Variants in CCDC102B observed in about 807,000 individuals in gnomAD.
CCDC102B encodes the protein coiled-coil domain containing 102B.
CCDC102B carries 75 observed loss-of-function variants against 57.4 expected under a neutral mutation model. The ratio of observed to expected loss-of-function variants is 1.31; its 90% CI spans 1.08 to 1.58. CCDC102B has a LOEUF of 1.58. Among genes scored for constraint, CCDC102B ranks in the 40% most tolerant of loss-of-function variants. The pLI, the probability that CCDC102B is intolerant of heterozygous loss-of-function variation, is 0.00. For synonymous variants in CCDC102B, 206 were observed against 201.9 expected, an observed-to-expected ratio of 1.02 and a Z score of -0.17; for missense variants, 636 against 582.6, an observed-to-expected ratio of 1.09 and a Z score of -0.94.
intron 2 of CCDC102B, among the ~76,000 whole-genome samples, chr18:68,748,324 T>A (rs549134668): frequency 1.5e-4 from 23 of 151,688 alleles, no homozygotes; most frequent in African/African-American, 5.6e-4. Context: ...CTGCCTGAAC[T>A]AGAGTTCCAG....
rs2052390328 is a variant in CCDC102B, at chr18:69,040,024, A to G, written c.1435-14006A>G. On this transcript the variant is annotated intron_variant, in intron 7 of 7. Transcript: ENST00000360242. The stretch of plus-strand genomic sequence containing the variant: ...TGCTTAGACTAAATTTTCTTTATTT[A>G]CTCTATGAGATAAATCCTAGATCTT... 2.6e-5 allele frequency among the ~76,000 whole-genome samples: 4 copies of G among 151,976 alleles called. No homozygotes were observed. The South Asian group carries it at 8.3e-4, about 32-fold the overall frequency.
intron 1 of CCDC102B, among the ~76,000 whole-genome samples, chr18:68,812,142 T>A (rs1599498496): frequency 1.3e-5 from 2 of 152,238 alleles, no homozygotes; most frequent in East Asian, 3.9e-4. Flanking sequence ...AAGCTATATA[T>A]CATGGTTGGG....
intron 4 of CCDC102B, among the ~76,000 whole-genome samples, chr18:68,858,657 C>T (rs529041524): frequency 6.7e-4 from 102 of 152,090 alleles, no homozygotes; most frequent in African/African-American, 1.9e-3. Flanking sequence ...CTTTGAGGTA[C>T]GCCTCAGTTT....
In CCDC102B at chr18:68,837,369, G is replaced by T; in HGVS notation, c.606G>T (p.Lys202Asn). ...QFSTKEDTNN[K>N]EQGVVIDSLK... ...CTACAAAGGAGGACACAAATAATAA[G>T]GTAAGAAAAAAATCCAGAGATGATG... The change falls in exon 2 of 8, where the codon AAG becomes AAT. Residue 202 changes from lysine to asparagine, a missense_variant and splice_region_variant. Physicochemically the swap from Lys to Asn is moderately conservative, Grantham distance 94. Coordinates refer to ENST00000360242, the MANE Select transcript of CCDC102B (RefSeq NM_024781.3). 1 of 1,596,174 alleles carries T rather than the reference G, an allele frequency of 6.3e-7. No individual in the cohort carries two copies. The highest frequency in any genetic ancestry group is 1.4e-5 in the African/African-American group (1 of 73,848).
intron 5 of CCDC102B, among the ~76,000 whole-genome samples, chr18:68,877,673 A>G (rs530610051): frequency 6.6e-6 from 1 of 152,334 alleles, no homozygotes; most frequent in East Asian, 1.9e-4. Flanking sequence ...TCTGTTTTAC[A>G]TGGGAGGTCA....
chr18:68,951,268 T>G (rs561709500), intron 6 of CCDC102B, among the ~76,000 whole-genome samples: 9 of 152,262 alleles, frequency 5.9e-5, no homozygotes, highest in African/African-American at 2.2e-4. Flanking sequence ...TGGGAAGCAG[T>G]TGACAGAAAA....
At chr18:68,791,718 C>T (rs963537846) in intron 2 of CCDC102B, among the ~76,000 whole-genome samples, 1 of 151,460 alleles carries the variant, frequency 6.6e-6, no homozygotes, top group Non-Finnish European at 1.5e-5. Flanking sequence ...AATTTCCTGA[C>T]TATATATATA....
In CCDC102B at chr18:68,837,040, C is replaced by CGGT; in HGVS notation, c.284_286dup (p.Trp95dup). The CGGT allele has an allele frequency of 6.2e-7, 1 of 1,614,092 alleles. No individual in the cohort carries two copies. Among genetic ancestry groups the CGGT allele is most frequent in the Non-Finnish European group, 8.5e-7 (1 of 1,180,018 alleles). Reference sequence around the variant, plus strand: ...AGCTGCTCAGATGGAAAAGACCATGCGGTGGTGGTCGGACTGCACTGCCAA... The same window carrying CGGT: ...AGCTGCTCAGATGGAAAAGACCATGCGGTGGTGGTGGTCGGACTGCACTGCCAA... On this transcript the variant is annotated inframe_insertion, in exon 2 of 8. Transcript: ENST00000360242.
intron 2 of CCDC102B, among the ~76,000 whole-genome samples, chr18:68,744,089 T>C (rs2033519059): frequency 1.3e-5 from 2 of 152,228 alleles, no homozygotes; most frequent in African/African-American, 4.8e-5. Flanking sequence ...ATTTTCTATA[T>C]TGTTGGAATT....
intron 7 of CCDC102B, among the ~76,000 whole-genome samples, chr18:69,013,171 G>A (rs1015560624): frequency 3.9e-5 from 6 of 151,938 alleles, no homozygotes; most frequent in Non-Finnish European, 1.5e-5. Flanking sequence ...TGATCTATTC[G>A]CACAATGGAA....
At chr18:68,987,282 C>G (rs2050748672) in intron 6 of CCDC102B, among the ~76,000 whole-genome samples, 1 of 152,148 alleles carries the variant, frequency 6.6e-6, no homozygotes, top group Non-Finnish European at 1.5e-5. Context: ...CTACAACCAT[C>G]TGATCTTCGA....
At chr18:68,988,205 T>C (rs768440195) in intron 6 of CCDC102B, among the ~76,000 whole-genome samples, 5 of 151,638 alleles carry the variant, frequency 3.3e-5, no homozygotes, top group Non-Finnish European at 7.4e-5. Flanking sequence ...TGGAATACTA[T>C]GCAGCCATAA....
chr18:68,845,792 T>C lies in CCDC102B; in HGVS notation c.828-521T>C, dbSNP rs149810429. Among the ~76,000 whole-genome samples, 38 of 151,870 alleles carry C rather than the reference T, an allele frequency of 2.5e-4. 1 individual carries two copies. The East Asian group carries it at 6.7e-3, about 27-fold the overall frequency. On this transcript the variant is annotated intron_variant, in intron 3 of 7. Coordinates refer to ENST00000360242, the MANE Select transcript of CCDC102B (RefSeq NM_024781.3). ...TCCTTTAGAATAATTTAAATAAGGA[T>C]CCCAGTGAAATTTCTTTATTACAAT...
At chr18:68,785,051 C>T (rs1321993865) in intron 2 of CCDC102B, among the ~76,000 whole-genome samples, 1 of 143,394 alleles carries the variant, frequency 7.0e-6, no homozygotes, top group Non-Finnish European at 1.5e-5. Flanking sequence ...TTGTTCAATT[C>T]CCACCTATGA....
At chr18:68,769,793 T>C (rs974003317) in intron 2 of CCDC102B, among the ~76,000 whole-genome samples, 10 of 152,182 alleles carry the variant, frequency 6.6e-5, no homozygotes, top group Admixed American at 3.9e-4. Context: ...AAACTGAGGC[T>C]GTAGAGATAG....
intron 1 of CCDC102B, among the ~76,000 whole-genome samples, chr18:68,816,280 G>A (rs1480644380): frequency 6.6e-6 from 1 of 152,120 alleles, no homozygotes. Context: ...TCTACATTGT[G>A]CCTGGGGTAT....
At chr18:68,797,419 G>A (rs540505410), upstream of CCDC102B, among the ~76,000 whole-genome samples, 6 of 151,336 alleles carry the variant, frequency 4.0e-5, no homozygotes, top group East Asian at 5.9e-4. Flanking sequence ...GTGATCTCTC[G>A]CCTCCCCCCT....
chr18:68,810,458 T>G (rs2036200731), intron 1 of CCDC102B, among the ~76,000 whole-genome samples: 1 of 152,150 alleles, frequency 6.6e-6, no homozygotes, highest in African/African-American at 2.4e-5. Context: ...ACAATATCAT[T>G]AGAAAAATAT....
At chr18:68,877,040 T>C (rs1193107610) in intron 5 of CCDC102B, among the ~76,000 whole-genome samples, 1 of 152,202 alleles carries the variant, frequency 6.6e-6, no homozygotes, top group African/African-American at 2.4e-5. Context: ...TTCAAAAAAT[T>C]TAAACTATAT....
Sources: gnomAD v4.1 joint callset for allele counts (sites outside exome capture counted in the v4.1 genomes callset) on GRCh38, gnomAD v4.1.1 for gene constraint, MANE v1.5 for transcripts, NCBI Gene and HGNC (gene_info 2026-07-23, HGNC 2026-07-21) for gene names.